The following RFX7 variants were observed in gnomAD, a reference collection of about 807,000 sequenced individuals.
RFX7 encodes the protein DNA-binding protein RFX7.
A neutral mutation model predicts 111.8 loss-of-function variants in RFX7; 26 were observed. The ratio of observed to expected loss-of-function variants is 0.23; its 90% CI spans 0.17 to 0.32. RFX7 has a LOEUF of 0.32. Ranked by LOEUF, RFX7 falls within the 10% of genes least tolerant of loss-of-function variation. RFX7 has a pLI of 1.00. For missense variants in RFX7, 1,573 were observed against 1,772.9 expected (o/e 0.89, Z 2.02); for synonymous variants, 624 against 624.4 (o/e 1.00, Z 0.01).
chr15:56,162,848 A>G (rs1456768082), intron 3 of RFX7, among the ~76,000 whole-genome samples: 10 of 152,110 alleles, frequency 6.6e-5, no homozygotes, highest in Non-Finnish European at 1.5e-4. Context: ...TTCTCATTCA[A>G]GTAAATTCTG....
chr15:56,147,685 T>C (rs1415034821), intron 3 of RFX7, among the ~76,000 whole-genome samples: 1 of 152,130 alleles, frequency 6.6e-6, no homozygotes, highest in Admixed American at 6.5e-5. Flanking sequence ...ACCATTCTCC[T>C]GACTCAGCCT....
In RFX7 at chr15:56,095,315, T is replaced by A. The variant is rs1436479735; in HGVS notation, c.2413A>T (p.Met805Leu). 4.3e-6 allele frequency: 7 copies of A among 1,613,850 alleles called. No individual in the cohort carries two copies. Among genetic ancestry groups the A allele is most frequent in the Non-Finnish European group, 5.9e-6 (7 of 1,179,854 alleles). Residue 805 changes from methionine to leucine, a missense_variant, in exon 10 of 10, where the codon ATG becomes TTG. Coordinates refer to ENST00000559447, the MANE Select transcript of RFX7 (RefSeq NM_022841.7). The part of the protein sequence containing the change: ...SCEQQQDISV[M>L]TIPEHSDIND... ...ATATCAGAGTGCTCAGGAATTGTCA[T>A]AACACTGATATCTTGCTGTTGTTCA...
chr15:56,118,085 A>G (rs1029844193), intron 5 of RFX7, among the ~76,000 whole-genome samples: 2 of 152,042 alleles, frequency 1.3e-5, no homozygotes, highest in East Asian at 3.9e-4. Context: ...ATATATATAT[A>G]TGGGGTATAT....
At chr15:56,139,436 G>A (rs1029517547) in intron 5 of RFX7, among the ~76,000 whole-genome samples, 24 of 151,958 alleles carry the variant, frequency 1.6e-4, no homozygotes, top group African/African-American at 3.9e-4. Context: ...CATTCTTCAC[G>A]TAGCTCTCGA....
At chr15:56,200,165 A>G (rs1286681075) in intron 2 of RFX7, among the ~76,000 whole-genome samples, 1 of 152,190 alleles carries the variant, frequency 6.6e-6, no homozygotes, top group Non-Finnish European at 1.5e-5. Flanking sequence ...AGGTAGGTGC[A>G]GGTTCCAAAT....
chr15:56,182,310 A>C (rs910988468), intron 2 of RFX7, among the ~76,000 whole-genome samples: 1 of 152,218 alleles, frequency 6.6e-6, no homozygotes, highest in African/African-American at 2.4e-5. Flanking sequence ...CAGAGTTATA[A>C]AGAAAATTGA....
chr15:56,158,361 A>G (rs564644061), intron 3 of RFX7, among the ~76,000 whole-genome samples: 1 of 152,350 alleles, frequency 6.6e-6, no homozygotes, highest in African/African-American at 2.4e-5. Context: ...AGGTAGTGTT[A>G]TGTAAATGTT....
chr15:56,093,799 T>G lies in RFX7; in HGVS notation c.3929A>C (p.Glu1310Ala). The change falls in exon 10 of 10, where the codon GAG (glutamate) becomes GCG (alanine). Residue 1310 changes from glutamate (E) to alanine (A), a missense_variant. By Grantham distance (107) the Glu-to-Ala change is moderately radical (BLOSUM62 -1). Around this residue, in one of 7 missense-constraint regions of RFX7, gnomAD observed 411 missense variants for 478.1 expected, o/e 0.86. Coordinates refer to ENST00000559447, the MANE Select transcript of RFX7 (RefSeq NM_022841.7). Reference protein sequence around the residue: ...NMIDSSTSVYEFQTPSYLTKS... With the variant: ...NMIDSSTSVYAFQTPSYLTKS... ...GGTGAGGTAAGATGGTGTTTGGAACTCATAAACAGAAGTGCTGGAATCGAT... is the reference window on the plus strand; with the variant it reads ...GGTGAGGTAAGATGGTGTTTGGAACGCATAAACAGAAGTGCTGGAATCGAT... 6.2e-7 allele frequency: 1 copy of G among 1,613,910 alleles called. No individual in the cohort carries two copies. The highest frequency in any genetic ancestry group is 8.5e-7 in the Non-Finnish European group (1 of 1,179,854).
chr15:56,152,225 T>C (rs2042104806), intron 3 of RFX7, among the ~76,000 whole-genome samples: 1 of 152,158 alleles, frequency 6.6e-6, no homozygotes, highest in African/African-American at 2.4e-5. Flanking sequence ...TACAGAACTC[T>C]CCACCCCAAA....
chr15:56,137,321 A>G (rs1186260872), intron 5 of RFX7, among the ~76,000 whole-genome samples: 1 of 152,136 alleles, frequency 6.6e-6, no homozygotes, highest in East Asian at 1.9e-4. Flanking sequence ...CAGATATTCA[A>G]CTTCTTCCTG....
At chr15:56,096,644 A>G in intron 9 of RFX7, 24 bp from the exon 10 acceptor site, 4 of 1,540,328 alleles carry the variant, frequency 2.6e-6, no homozygotes, top group Non-Finnish European at 2.6e-6. Flanking sequence ...GCAAAAAATC[A>G]GATTTAACAG....
intron 2 of RFX7, among the ~76,000 whole-genome samples, chr15:56,193,986 T>TAAA (rs1180726880): frequency 6.6e-6 from 1 of 152,120 alleles, no homozygotes; most frequent in Non-Finnish European, 1.5e-5. Context: ...TTAAAGATGA[T>TAAA]ACAATAAATA....
At chr15:56,134,593 TTTC>T (rs1177582112) in intron 5 of RFX7, among the ~76,000 whole-genome samples, 11 of 74,722 alleles carry the variant, frequency 1.5e-4, no homozygotes, top group Non-Finnish European at 2.8e-4. Context: ...TCTAAATCAC[TTTC>T]TTTTTTTTTT....
intron 3 of RFX7, among the ~76,000 whole-genome samples, chr15:56,169,326 G>T (rs1308178500): frequency 6.6e-6 from 1 of 152,124 alleles, no homozygotes; most frequent in Non-Finnish European, 1.5e-5. Flanking sequence ...TCCATATGGT[G>T]AGCATTTATT....
chr15:56,203,280 C>A (rs2043213131), intron 2 of RFX7, among the ~76,000 whole-genome samples: 1 of 152,124 alleles, frequency 6.6e-6, no homozygotes, highest in South Asian at 2.1e-4. Flanking sequence ...TAGAAGTACA[C>A]TTTGCGAAGA....
intron 5 of RFX7, among the ~76,000 whole-genome samples, chr15:56,133,150 A>G (rs1430420505): frequency 6.6e-6 from 1 of 152,140 alleles, no homozygotes; most frequent in East Asian, 1.9e-4. Context: ...ATAAAAATCA[A>G]TGCACTAATA....
Position 56,089,877 on chromosome 15 carries a change from G to C in RFX7, c.*3468C>G, listed in dbSNP as rs1241035040. The C allele has an allele frequency of 4.6e-5, 7 of 152,034 alleles. No individual in the cohort carries two copies. Among genetic ancestry groups the C allele is most frequent in the Admixed American group, 3.9e-4 (6 of 15,248 alleles). The allele number at this position is 152,034 out of a possible 1,614,324, so 9.4% of individuals were successfully genotyped here. Reference sequence around the variant, plus strand: ...AGGGCTCCAGATCTATGGTGATAGTGGAACTATCACAGATCTACAAAGATC... The same window carrying C: ...AGGGCTCCAGATCTATGGTGATAGTCGAACTATCACAGATCTACAAAGATC... On this transcript the variant is annotated 3_prime_UTR_variant, in exon 10 of 10. Transcript: ENST00000559447.
At chr15:56,155,233 C>G (rs1239375058) in intron 3 of RFX7, among the ~76,000 whole-genome samples, 1 of 152,140 alleles carries the variant, frequency 6.6e-6, no homozygotes, top group Non-Finnish European at 1.5e-5. Flanking sequence ...CCTCAAGAAT[C>G]TAGTACTGGA....
chr15:56,150,522 T>G (rs1333612647), intron 3 of RFX7, among the ~76,000 whole-genome samples: 1 of 151,828 alleles, frequency 6.6e-6, no homozygotes, highest in Non-Finnish European at 1.5e-5. Flanking sequence ...ACAAACAGGG[T>G]CGGGAGTTAA....
Sources: allele counts gnomAD v4.1 joint callset (sites outside exome capture counted in the v4.1 genomes callset), GRCh38; gene constraint gnomAD v4.1.1; regional missense constraint gnomAD v4.1.1; transcripts MANE v1.5; gene names NCBI Gene and HGNC (gene_info 2026-07-23, HGNC 2026-07-21).